The following NPIPB2 variants were observed in gnomAD, a reference collection of about 807,000 sequenced individuals.
NPIPB2 encodes nuclear pore complex interacting protein family member B2, also known as nuclear pore complex-interacting protein family member B2.
Under a neutral mutation model 30.8 loss-of-function variants are expected in NPIPB2, and 27 were observed. The observed-to-expected ratio is 0.88, with a 90% CI of 0.65 to 1.21. The LOEUF is 1.21. Among genes scored for constraint, NPIPB2 ranks in the 50% most tolerant of loss-of-function variants. The probability of loss-of-function intolerance (pLI) is 0.00; values close to 1 mark genes in which losing one functional copy is unlikely to be tolerated. For missense variants in NPIPB2, 440 were observed against 446.2 expected, an observed-to-expected ratio of 0.99 and a Z score of 0.13; for synonymous variants, 147 against 162.0, an observed-to-expected ratio of 0.91 and a Z score of 0.70.
At chr16:11,947,126 A>AT (rs987716642) in intron 1 of NPIPB2, among the ~76,000 whole-genome samples, 5 of 145,976 alleles carry the variant, frequency 3.4e-5, no homozygotes, top group African/African-American at 4.9e-5. Flanking sequence ...TAATTAAACA[A>AT]TTTTTTTTGT....
chr16:11,927,862 C>T (rs746587186), exon 8 of NPIPB2: 20 of 1,219,566 alleles, frequency 1.6e-5, no homozygotes, highest in South Asian at 8.3e-5. Flanking sequence ...GACGATGCTC[C>T]GCTGCCGCCA....
At chr16:11,976,127 T>G (rs560791160) in intron 1 of NPIPB2, among the ~76,000 whole-genome samples, 20 of 151,326 alleles carry the variant, frequency 1.3e-4, no homozygotes, top group Non-Finnish European at 2.5e-4. Context: ...CTCCTCAATC[T>G]CCTTTTCTCA....
intron 1 of NPIPB2, among the ~76,000 whole-genome samples, chr16:11,951,458 C>CT (rs2055061322): frequency 4.6e-5 from 1 of 21,960 alleles, no homozygotes; most frequent in Non-Finnish European, 9.5e-5. Flanking sequence ...ACAAGACTGT[C>CT]TCAAAAAAAA....
intron 1 of NPIPB2, among the ~76,000 whole-genome samples, chr16:11,951,668 C>CACACACACACACACACA (rs1596500890): frequency 1.6e-5 from 1 of 63,678 alleles, no homozygotes; most frequent in African/African-American, 4.6e-5. Flanking sequence ...ACACACACAC[C>CACACACACACACACACA]CAGCCCCCAA....
chr16:11,966,278 G>C (rs146604927), intron 1 of NPIPB2: 84 of 1,613,862 alleles, frequency 5.2e-5, no homozygotes, highest in Non-Finnish European at 6.9e-5. Context: ...GGCAGTTTTC[G>C]TGCTAATGTT....
intron 1 of NPIPB2, chr16:11,967,640 G>A (rs768234958): frequency 8.7e-6 from 14 of 1,614,126 alleles, no homozygotes; most frequent in Admixed American, 3.3e-5. Context: ...TTATTCTTCC[G>A]AGAGGCCTCG....
chr16:11,974,199 C>T (rs1430376586), intron 1 of NPIPB2, among the ~76,000 whole-genome samples: 1 of 152,076 alleles, frequency 6.6e-6, no homozygotes, highest in Non-Finnish European at 1.5e-5. Context: ...TTTCTAAGCC[C>T]CAACGCCACT....
At chr16:11,958,121 GC>G (rs2055125660) in intron 1 of NPIPB2, among the ~76,000 whole-genome samples, 1 of 152,044 alleles carries the variant, frequency 6.6e-6, no homozygotes, top group Non-Finnish European at 1.5e-5. Flanking sequence ...AACTTGTGGG[GC>G]CCAGTACACA....
chr16:11,939,258 G>A (rs1313110959), intron 1 of NPIPB2, among the ~76,000 whole-genome samples: 1 of 151,378 alleles, frequency 6.6e-6, no homozygotes, highest in Non-Finnish European at 1.5e-5. Context: ...TCAAATTTTA[G>A]TGCTTAAAAA....
At chr16:11,974,919 C>A (rs1274895452) in intron 1 of NPIPB2, among the ~76,000 whole-genome samples, 1 of 151,408 alleles carries the variant, frequency 6.6e-6, no homozygotes, top group Admixed American at 6.6e-5. Flanking sequence ...TAAAAAAATA[C>A]AAAAAATTAG....
rs922164555 is a variant in NPIPB2 at position 11,969,298 on chromosome 16, T to C, written c.-584+7270A>G. On this transcript the variant is annotated intron_variant, in intron 1 of 5. Transcript: ENST00000538896. Reference sequence around the variant, plus strand: ...TTTTTGAGACAGTCTCGCTCTGTCGTTGACACGGGAGTGCAGTGGTGCGAT... The same window carrying C: ...TTTTTGAGACAGTCTCGCTCTGTCGCTGACACGGGAGTGCAGTGGTGCGAT... Among the ~76,000 whole-genome samples the C allele has an allele frequency of 2.0e-5, 3 of 152,118 alleles. No individual in the cohort carries two copies. The East Asian group carries it at 5.8e-4, about 30-fold the overall frequency.
intron 4 of NPIPB2, among the ~76,000 whole-genome samples, chr16:11,931,506 A>AGCACATGC (rs1196177004): frequency 6.6e-6 from 1 of 152,172 alleles, no homozygotes; most frequent in East Asian, 1.9e-4. Context: ...GGCATCCTTC[A>AGCACATGC]GCACATGCTG....
At chr16:11,971,736 C>G (rs1596509727) in intron 1 of NPIPB2, among the ~76,000 whole-genome samples, 1 of 152,202 alleles carries the variant, frequency 6.6e-6, no homozygotes, top group Middle Eastern at 3.4e-3. Context: ...CTCAAGTGAT[C>G]TGCTCTCCTC....
chr16:11,945,027 A>T (rs146917190), upstream of NPIPB2, among the ~76,000 whole-genome samples: 5,470 of 150,906 alleles, frequency 0.036, 129 homozygotes, highest in Non-Finnish European at 0.052. Flanking sequence ...AAAAATAAAA[A>T]AAAAAAAAAA....
At chr16:11,953,888 C>T (rs2055089090) in intron 1 of NPIPB2, among the ~76,000 whole-genome samples, 1 of 151,498 alleles carries the variant, frequency 6.6e-6, no homozygotes, top group South Asian at 2.1e-4. Flanking sequence ...GTTGGCCAGG[C>T]TAGTCTCCAA....
chr16:11,952,305 G>A (rs1198938861), intron 1 of NPIPB2, among the ~76,000 whole-genome samples: 1 of 151,808 alleles, frequency 6.6e-6, no homozygotes, highest in Non-Finnish European at 1.5e-5. Flanking sequence ...CAGAGATCGC[G>A]CCACTGCACT....
At position 11,933,625 on chromosome 16, in the gene NPIPB2, CGTAGA is replaced by C; in HGVS notation, c.375_379del (p.Leu126GlufsTer8). ...TCTACCTTTTGTTTCCACATGTCTC[CGTAGA>C]GTAATGACGTCTTTCAGGCCAATTT... On this transcript the variant is annotated frameshift_variant, in exon 4 of 8. Transcript: ENST00000399147. LOFTEE classifies it high-confidence loss of function. 1 of 1,596,532 alleles carries C rather than the reference CGTAGA, an allele frequency of 6.3e-7. No homozygotes were observed. The highest frequency in any genetic ancestry group is 8.5e-7 in the Non-Finnish European group (1 of 1,179,266).
chr16:11,956,100 G>A (rs1037626084), intron 1 of NPIPB2: 4 of 152,196 alleles, frequency 2.6e-5, no homozygotes, highest in African/African-American at 9.6e-5. Flanking sequence ...CCTCTTCCAT[G>A]AACAAGACCC....
intron 1 of NPIPB2, among the ~76,000 whole-genome samples, chr16:11,947,830 G>A (rs1286387615): frequency 6.6e-6 from 1 of 151,496 alleles, no homozygotes; most frequent in African/African-American, 2.4e-5. Flanking sequence ...CTTCGTCCTG[G>A]GTTCTGGAAG....
Sources: gnomAD v4.1 joint callset for allele counts (sites outside exome capture counted in the v4.1 genomes callset) on GRCh38, gnomAD v4.1.1 for gene constraint, MANE v1.5 for transcripts, NCBI Gene and HGNC (gene_info 2026-07-23, HGNC 2026-07-21) for gene names.